Variants in CXCL13 observed in about 807,000 individuals in gnomAD.
The protein encoded by CXCL13 is C-X-C motif chemokine 13.
A neutral mutation model predicts 12.2 loss-of-function variants in CXCL13; 7 were observed. The ratio of observed to expected loss-of-function variants is 0.57; its 90% CI spans 0.33 to 1.07. The LOEUF (loss-of-function observed/expected upper bound fraction) is 1.07. Ranked by LOEUF, CXCL13 falls within the 50% of genes least tolerant of loss-of-function variation. The probability of loss-of-function intolerance (pLI) is 0.04; values close to 1 mark genes in which losing one functional copy is unlikely to be tolerated. For synonymous variants in CXCL13, 47 were observed against 42.4 expected (o/e 1.11, Z -0.42); for missense variants, 113 against 127.4 (o/e 0.89, Z 0.55).
intron 1 of CXCL13, among the ~76,000 whole-genome samples, chr4:77,520,136 G>T (rs1056396729): frequency 3.3e-5 from 5 of 152,104 alleles, no homozygotes; most frequent in African/African-American, 1.2e-4. Context: ...TATAGTTTGA[G>T]GTCAGGTAGC....
chr4:77,538,777 G>A (rs780968142), intron 1 of CXCL13, among the ~76,000 whole-genome samples: 32 of 152,158 alleles, frequency 2.1e-4, no homozygotes, highest in Non-Finnish European at 3.7e-4. Flanking sequence ...TCCACTGTAC[G>A]TGTGGGCAAA....
intron 1 of CXCL13, among the ~76,000 whole-genome samples, chr4:77,534,658 C>G (rs549065220): frequency 6.6e-6 from 1 of 152,194 alleles, no homozygotes; most frequent in South Asian, 2.1e-4. Flanking sequence ...TAAAATACAC[C>G]TCTGAGAACA....
intron 1 of CXCL13, among the ~76,000 whole-genome samples, chr4:77,593,617 A>C (rs1362411437): frequency 1.3e-5 from 2 of 152,264 alleles, no homozygotes; most frequent in Non-Finnish European, 2.9e-5. Context: ...CGCATACCTT[A>C]ACTTCTTGTA....
chr4:77,569,863 A>C (rs1407323467), intron 1 of CXCL13, among the ~76,000 whole-genome samples: 1 of 152,186 alleles, frequency 6.6e-6, no homozygotes, highest in African/African-American at 2.4e-5. Context: ...CATGTTACCC[A>C]ACTTCAAACT....
At chr4:77,548,905 T>G (rs1725439304) in intron 1 of CXCL13, among the ~76,000 whole-genome samples, 1 of 152,240 alleles carries the variant, frequency 6.6e-6, no homozygotes, top group Non-Finnish European at 1.5e-5. Flanking sequence ...GGGGAAGGTC[T>G]CCTGGGTGAT....
At chr4:77,542,802 C>A (rs534413870) in intron 1 of CXCL13, among the ~76,000 whole-genome samples, 1 of 152,242 alleles carries the variant, frequency 6.6e-6, no homozygotes, top group East Asian at 1.9e-4. Flanking sequence ...CCATGTTAAT[C>A]AGGGATATTG....
At chr4:77,584,903 A>C (rs1014314812) in intron 1 of CXCL13, among the ~76,000 whole-genome samples, 1 of 152,232 alleles carries the variant, frequency 6.6e-6, no homozygotes, top group Non-Finnish European at 1.5e-5. Flanking sequence ...ATAAGATTCA[A>C]TTACCCCAAC....
intron 1 of CXCL13, among the ~76,000 whole-genome samples, chr4:77,524,681 G>A (rs953693550): frequency 6.6e-6 from 1 of 152,288 alleles, no homozygotes; most frequent in African/African-American, 2.4e-5. Flanking sequence ...CTTCCCGGGT[G>A]AGGCTATGTC....
chr4:77,598,113 C>T (rs946966267), intron 1 of CXCL13, among the ~76,000 whole-genome samples: 3 of 152,156 alleles, frequency 2.0e-5, no homozygotes, highest in Non-Finnish European at 2.9e-5. Flanking sequence ...CGGGAGATGA[C>T]CAGGCTTGCC....
Position 77,523,613 on chromosome 4 carries a change from A to C in CXCL13, c.-43+11825A>C, listed in dbSNP as rs186421885. Among the ~76,000 whole-genome samples, 130 of 152,278 alleles carry C rather than the reference A, an allele frequency of 8.5e-4. 1 individual carries two copies. Among genetic ancestry groups the C allele is most frequent in the African/African-American group, 3.1e-3 (128 of 41,574 alleles). Reference sequence around the variant, plus strand: ...GTTTATTCTACTTAGCCATTTGTCTAACTTTTTTCACGGTTTTCAGCTTCC... The same window carrying C: ...GTTTATTCTACTTAGCCATTTGTCTCACTTTTTTCACGGTTTTCAGCTTCC... On this transcript the variant is annotated intron_variant, in intron 1 of 4. Transcript: ENST00000286758.
At chr4:77,515,346 A>C (rs940684521) in intron 1 of CXCL13, among the ~76,000 whole-genome samples, 5 of 152,034 alleles carry the variant, frequency 3.3e-5, no homozygotes, top group Non-Finnish European at 7.4e-5. Context: ...CTGTGAAGAA[A>C]GTCATTGGTA....
chr4:77,561,261 T>C (rs1284037464), intron 1 of CXCL13, among the ~76,000 whole-genome samples: 2 of 152,124 alleles, frequency 1.3e-5, no homozygotes, highest in Non-Finnish European at 1.5e-5. Flanking sequence ...ATGTAGAAAA[T>C]TGTCCCCCAC....
At chr4:77,547,087 G>A (rs1441002765) in intron 1 of CXCL13, among the ~76,000 whole-genome samples, 2 of 152,314 alleles carry the variant, frequency 1.3e-5, no homozygotes, top group East Asian at 1.9e-4. Flanking sequence ...TAATTTGATT[G>A]CACTGTGGTC....
chr4:77,582,660 A>G (rs1407579075), intron 1 of CXCL13, among the ~76,000 whole-genome samples: 1 of 152,226 alleles, frequency 6.6e-6, no homozygotes, highest in Middle Eastern at 3.2e-3. Context: ...GAGGTTTGTT[A>G]TCCTAAAGCC....
intron 1 of CXCL13, among the ~76,000 whole-genome samples, chr4:77,542,013 T>A (rs1725216279): frequency 6.6e-6 from 1 of 152,158 alleles, no homozygotes; most frequent in Non-Finnish European, 1.5e-5. Context: ...TCAGCTTGAA[T>A]ACTATTTGTG....
intron 1 of CXCL13, among the ~76,000 whole-genome samples, chr4:77,593,045 C>T (rs1431460922): frequency 2.0e-5 from 3 of 152,180 alleles, no homozygotes; most frequent in Non-Finnish European, 4.4e-5. Flanking sequence ...TCTCTTTGTA[C>T]TTAGAACAGA....
chr4:77,598,751 A>C (rs914301406), intron 1 of CXCL13, among the ~76,000 whole-genome samples: 2 of 152,136 alleles, frequency 1.3e-5, no homozygotes, highest in African/African-American at 4.8e-5. Context: ...AAGGAAGGTG[A>C]GGTGTCGCCC....
intron 1 of CXCL13, among the ~76,000 whole-genome samples, chr4:77,606,888 T>C (rs1335315621): frequency 6.6e-6 from 1 of 152,238 alleles, no homozygotes; most frequent in Admixed American, 6.5e-5. Context: ...GGCTTAGATT[T>C]CATTAGATCC....
chr4:77,582,776 A>G (rs1726370399), intron 1 of CXCL13, among the ~76,000 whole-genome samples: 1 of 152,228 alleles, frequency 6.6e-6, no homozygotes, highest in African/African-American at 2.4e-5. Flanking sequence ...GCAGGGGGCC[A>G]GGGAAGAGAC....
Sources: allele counts gnomAD v4.1 joint callset (sites outside exome capture counted in the v4.1 genomes callset), GRCh38; gene constraint gnomAD v4.1.1; transcripts MANE v1.5; gene names NCBI Gene and HGNC (gene_info 2026-07-23, HGNC 2026-07-21).